Variants in ROBO2 observed in about 807,000 individuals in gnomAD.
ROBO2 encodes the protein roundabout guidance receptor 2, also known as roundabout homolog 2.
Under a neutral mutation model 160.8 loss-of-function variants are expected in ROBO2, and 53 were observed. The observed-to-expected ratio is 0.33, with a 90% CI of 0.26 to 0.41. ROBO2 has a LOEUF of 0.41. Among genes scored for constraint, ROBO2 ranks in the 10% least tolerant of loss-of-function variants. The probability of loss-of-function intolerance (pLI) is 1.00; values close to 1 mark genes in which losing one functional copy is unlikely to be tolerated. For missense variants in ROBO2, 1,577 were observed against 1,722.4 expected, an observed-to-expected ratio of 0.92 and a Z score of 1.49; for synonymous variants, 664 against 611.7, an observed-to-expected ratio of 1.09 and a Z score of -1.26.
intron 2 of ROBO2, among the ~76,000 whole-genome samples, chr3:76,504,721 G>C (rs1340221187): frequency 1.3e-5 from 2 of 151,628 alleles, no homozygotes; most frequent in Admixed American, 6.6e-5. Flanking sequence ...GTAGAGACGG[G>C]GTTTCACCGT....
chr3:77,180,416 C>CTCTCTCTCTATATA (rs1433740534), intron 2 of ROBO2, among the ~76,000 whole-genome samples: 21 of 90,716 alleles, frequency 2.3e-4, no homozygotes, highest in African/African-American at 7.3e-4. Flanking sequence ...CTCTCTCTCT[C>CTCTCTCTCTATATA]TATATATATA....
chr3:77,313,315 A>G (rs2063706532), intron 2 of ROBO2, among the ~76,000 whole-genome samples: 1 of 152,240 alleles, frequency 6.6e-6, no homozygotes, highest in Non-Finnish European at 1.5e-5. Flanking sequence ...TGCAGTAATC[A>G]TATCAGGGTA....
chr3:76,759,876 G>T (rs999916857), intron 2 of ROBO2, among the ~76,000 whole-genome samples: 1 of 151,858 alleles, frequency 6.6e-6, no homozygotes, highest in Non-Finnish European at 1.5e-5. Context: ...GCGGCTCCGC[G>T]ATTCTCTTCA....
At chr3:76,983,754 C>T (rs1038744574) in intron 2 of ROBO2, among the ~76,000 whole-genome samples, 6 of 152,156 alleles carry the variant, frequency 3.9e-5, no homozygotes, top group Non-Finnish European at 7.3e-5. Context: ...AGATAAGGTA[C>T]GTCCTCCCAC....
intron 2 of ROBO2, among the ~76,000 whole-genome samples, chr3:76,586,604 C>A (rs1188511851): frequency 6.6e-6 from 1 of 152,132 alleles, no homozygotes; most frequent in Non-Finnish European, 1.5e-5. Context: ...ATATGAATTT[C>A]CCACTTATAG....
Position 76,295,175 on chromosome 3 carries a change from C to T in ROBO2, c.109+357573C>T, listed in dbSNP as rs144382792. Among the ~76,000 whole-genome samples, 227 of 152,180 alleles carry T rather than the reference C, an allele frequency of 1.5e-3. 1 individual carries two copies. The highest frequency in any genetic ancestry group is 5.2e-3 in the African/African-American group (215 of 41,536). On this transcript the variant is annotated intron_variant, in intron 2 of 26. Transcript: ENST00000487694. Reference sequence around the variant, plus strand: ...CTCCTGTACTCCACCAATAACATGACTCAGACATACTAACTTAGACTCTAA... The same window carrying T: ...CTCCTGTACTCCACCAATAACATGATTCAGACATACTAACTTAGACTCTAA...
intron 2 of ROBO2, among the ~76,000 whole-genome samples, chr3:76,920,366 T>C (rs182461716): frequency 2.6e-5 from 4 of 152,280 alleles, no homozygotes; most frequent in Admixed American, 6.5e-5. Context: ...TATGTCAAAT[T>C]TCAACTAGAA....
At chr3:76,019,076 A>T (rs369308658) in intron 2 of ROBO2, among the ~76,000 whole-genome samples, 1 of 151,944 alleles carries the variant, frequency 6.6e-6, no homozygotes, top group East Asian at 1.9e-4. Context: ...TGGCCTCCCC[A>T]CATGGTTTGG....
intron 2 of ROBO2, among the ~76,000 whole-genome samples, chr3:76,649,506 G>C (rs1296445573): frequency 6.6e-6 from 1 of 151,958 alleles, no homozygotes; most frequent in African/African-American, 2.4e-5. Flanking sequence ...CAATTAACTG[G>C]TTTATAACTC....
At chr3:77,453,658 T>A (rs923470696) in intron 2 of ROBO2, among the ~76,000 whole-genome samples, 10 of 152,112 alleles carry the variant, frequency 6.6e-5, no homozygotes, top group African/African-American at 9.7e-5. Context: ...TAGTTAATAT[T>A]CCTGATTATC....
At position 77,173,510 on chromosome 3, in the gene ROBO2, A is replaced by G. The variant is rs776661294; in HGVS notation, c.388+75170A>G. On this transcript the variant is annotated intron_variant, in intron 2 of 25. Transcript: ENST00000461745. ...AAAGACTTTCAGATTGAGAGTCTGA[A>G]AGTCCCATGTGTTGAGCTTTGCTTG... Among the ~76,000 whole-genome samples, 3 of 152,150 alleles carry G rather than the reference A, an allele frequency of 2.0e-5. No homozygotes were observed. The South Asian group carries it at 6.2e-4, about 32-fold the overall frequency.
At chr3:77,253,168 A>T (rs1002714494) in intron 2 of ROBO2, among the ~76,000 whole-genome samples, 3 of 152,072 alleles carry the variant, frequency 2.0e-5, no homozygotes, top group Non-Finnish European at 4.4e-5. Context: ...TAAAAAGTGG[A>T]TTATCTCTGA....
Position 76,714,147 on chromosome 3 carries a change from C to T in ROBO2, c.110-383867C>T, listed in dbSNP as rs563455183. On this transcript the variant is annotated intron_variant, in intron 2 of 26. Coordinates refer to the ROBO2 transcript ENST00000487694. ...AACAATGGTCTTGTGTAGAAATCTT[C>T]CATACACTCCAAAATTAGGAGGAAA... Among the ~76,000 whole-genome samples, 470 of 152,140 alleles carry T rather than the reference C, an allele frequency of 3.1e-3. 4 individuals are homozygous for T. Among genetic ancestry groups the T allele is most frequent in the Middle Eastern group, 0.017 (5 of 294 alleles).
chr3:77,403,279 A>G (rs2075970759), intron 2 of ROBO2, among the ~76,000 whole-genome samples: 1 of 152,216 alleles, frequency 6.6e-6, no homozygotes, highest in East Asian at 1.9e-4. Context: ...TACATTAACT[A>G]TGGTCACTAT....
intron 2 of ROBO2, among the ~76,000 whole-genome samples, chr3:76,775,617 G>A (rs919309298): frequency 2.0e-5 from 3 of 150,618 alleles, no homozygotes; most frequent in Non-Finnish European, 4.5e-5. Context: ...TAATGTCATA[G>A]GTTTATTTCT....
At chr3:76,134,850 A>G (rs1405449477) in intron 2 of ROBO2, among the ~76,000 whole-genome samples, 2 of 152,088 alleles carry the variant, frequency 1.3e-5, no homozygotes, top group African/African-American at 2.4e-5. Context: ...AAGCACCTAT[A>G]TGGTCTCTAA....
intron 2 of ROBO2, among the ~76,000 whole-genome samples, chr3:76,928,982 G>C (rs186936808): frequency 6.6e-6 from 1 of 152,148 alleles, no homozygotes; most frequent in African/African-American, 2.4e-5. Context: ...AACCTGGGCC[G>C]GGTGTGGTGG....
At chr3:76,737,140 T>A (rs1180748503) in intron 2 of ROBO2, among the ~76,000 whole-genome samples, 1 of 152,230 alleles carries the variant, frequency 6.6e-6, no homozygotes, top group Non-Finnish European at 1.5e-5. Context: ...GATTGGAAAC[T>A]AATATAGTGT....
chr3:77,514,724 G>A (rs930503779), intron 5 of ROBO2, among the ~76,000 whole-genome samples: 6 of 151,728 alleles, frequency 4.0e-5, no homozygotes, highest in Non-Finnish European at 7.4e-5. Flanking sequence ...GTCAATATTT[G>A]CTTTGAAGGG....
Sources: gnomAD v4.1 joint callset for allele counts (sites outside exome capture counted in the v4.1 genomes callset) on GRCh38, gnomAD v4.1.1 for gene constraint, MANE v1.5 for transcripts, NCBI Gene and HGNC (gene_info 2026-07-23, HGNC 2026-07-21) for gene names.